The following DCP1B variants were observed in gnomAD, a reference collection of about 807,000 sequenced individuals.
DCP1B encodes the protein decapping mRNA 1B.
Under a neutral mutation model 60.5 loss-of-function variants are expected in DCP1B, and 47 were observed. The observed-to-expected ratio is 0.78, with a 90% CI of 0.61 to 0.99. The LOEUF is 0.99. Ranked by LOEUF, DCP1B falls within the 50% of genes least tolerant of loss-of-function variation. The probability of loss-of-function intolerance (pLI) is 0.00; values close to 1 mark genes in which losing one functional copy is unlikely to be tolerated. For synonymous variants in DCP1B, 267 were observed against 280.3 expected, an observed-to-expected ratio of 0.95 and a Z score of 0.47; for missense variants, 725 against 756.8, an observed-to-expected ratio of 0.96 and a Z score of 0.49.
At chr12:1,984,888 A>G (rs1209614546) in intron 3 of DCP1B, among the ~76,000 whole-genome samples, 1 of 149,900 alleles carries the variant, frequency 6.7e-6, no homozygotes, top group African/African-American at 2.5e-5. Flanking sequence ...ATAGAATTCT[A>G]GGTTAATAGC....
chr12:1,984,626 G>A (rs2037111263), intron 3 of DCP1B, among the ~76,000 whole-genome samples: 1 of 151,810 alleles, frequency 6.6e-6, no homozygotes, highest in Admixed American at 6.6e-5. Context: ...TAAAGAATTT[G>A]AGAGGAGAAA....
downstream of DCP1B, among the ~76,000 whole-genome samples, chr12:1,945,613 C>A (rs1296211797): frequency 6.6e-6 from 1 of 152,178 alleles, no homozygotes; most frequent in Non-Finnish European, 1.5e-5. Flanking sequence ...TTCACAATAG[C>A]AAAGACTTGG....
intron 3 of DCP1B, among the ~76,000 whole-genome samples, chr12:1,970,135 T>C (rs2031842948): frequency 6.6e-6 from 1 of 152,144 alleles, no homozygotes; most frequent in African/African-American, 2.4e-5. Flanking sequence ...AAACTGTTGA[T>C]ACAAATAGAA....
At chr12:1,989,770 G>A (rs2038878736) in intron 3 of DCP1B, among the ~76,000 whole-genome samples, 1 of 152,144 alleles carries the variant, frequency 6.6e-6, no homozygotes, top group Non-Finnish European at 1.5e-5. Flanking sequence ...TATAACTTAA[G>A]TATTATATTT....
rs547730366 is a variant in DCP1B, at chr12:1,971,835, T to A, written c.320-3925A>T. Among the ~76,000 whole-genome samples, 32 of 152,374 alleles carry A rather than the reference T, an allele frequency of 2.1e-4. No individual in the cohort carries two copies. The highest frequency in any genetic ancestry group is 7.7e-4 in the African/African-American group (32 of 41,596). The stretch of plus-strand genomic sequence containing the variant: ...CTGTTTGATCTGTTCTTTTAAGATA[T>A]TTATAATTTGTTTTATATTTTTACC... On this transcript the variant is annotated intron_variant, in intron 3 of 8. Transcript: ENST00000280665. This position sits in a 1 kb window ranked among gnomAD's most constrained non-coding sequence, Gnocchi z 4.2.
intron 5 of DCP1B, among the ~76,000 whole-genome samples, chr12:1,958,845 A>G (rs1468654867): frequency 2.8e-5 from 2 of 71,784 alleles, no homozygotes; most frequent in East Asian, 8.6e-4. Flanking sequence ...AAGCTCCCCA[A>G]CGTCGCTTTG....
intron 5 of DCP1B, among the ~76,000 whole-genome samples, chr12:1,959,421 G>A (rs532808411): frequency 6.6e-6 from 1 of 152,286 alleles, no homozygotes; most frequent in South Asian, 2.1e-4. Context: ...TCAAAATATA[G>A]ACAAAGGGCC....
At chr12:2,002,897 G>A (rs2154479628) in intron 1 of DCP1B, among the ~76,000 whole-genome samples, 1 of 152,012 alleles carries the variant, frequency 6.6e-6, no homozygotes, top group Admixed American at 6.5e-5. Context: ...GTGACACCTC[G>A]AAAAAACAAA....
chr12:1,952,347 T>TC, intron 7 of DCP1B, 69 bp downstream of exon 7: 1 of 1,481,764 alleles, frequency 6.7e-7, no homozygotes, highest in Non-Finnish European at 8.9e-7. Flanking sequence ...CTACTTTTTT[T>TC]TTTTTTTTAG....
chr12:1,980,042 C>T (rs2035645108), intron 3 of DCP1B, among the ~76,000 whole-genome samples: 1 of 152,144 alleles, frequency 6.6e-6, no homozygotes, highest in African/African-American at 2.4e-5. Flanking sequence ...CAAATAGGCA[C>T]ATAACTGTTC....
chr12:1,944,673 A>G (rs888798964), downstream of DCP1B, among the ~76,000 whole-genome samples: 2 of 152,252 alleles, frequency 1.3e-5, no homozygotes, highest in Non-Finnish European at 2.9e-5. Context: ...GACAAAAACA[A>G]GCAATGGGGA....
At chr12:1,990,987 A>AG (rs1037016016) in intron 3 of DCP1B, 12 of 336,108 alleles carry the variant, frequency 3.6e-5, no homozygotes, top group Non-Finnish European at 6.4e-5. Context: ...GAAAGGACAA[A>AG]AAAAAAAAAA....
rs977572534 is a variant in DCP1B at position 1,947,889 on chromosome 12, C to T, written c.1773+1197G>A. On this transcript the variant is annotated intron_variant, in intron 8 of 8. Coordinates refer to ENST00000280665, the MANE Select transcript of DCP1B (RefSeq NM_152640.5). ...TGTTGCTCAGGCTGGTCTTGAACTC[C>T]TGGCCTCAAGCAATGCTCCCACCTT... is the stretch of plus-strand genomic sequence containing the variant. Among the ~76,000 whole-genome samples the T allele has an allele frequency of 2.6e-5, 4 of 152,302 alleles. No homozygotes were observed. In the East Asian group the frequency reaches 7.7e-4, roughly 29 times the overall value.
At chr12:2,004,099 C>G in intron 1 of DCP1B, 183 bp downstream of exon 1, 2 of 805,818 alleles carry the variant, frequency 2.5e-6, no homozygotes, top group Non-Finnish European at 3.9e-6. Flanking sequence ...CTCCACAGAT[C>G]CGCCTTCCTT....
intron 5 of DCP1B, among the ~76,000 whole-genome samples, chr12:1,959,087 C>A (rs899027618): frequency 6.7e-6 from 1 of 149,208 alleles, no homozygotes; most frequent in Admixed American, 6.7e-5. Flanking sequence ...TGGAAGGAAA[C>A]AGGGGGAAAG....
rs542027941 is a variant in DCP1B at position 1,971,521 on chromosome 12, T to C, written c.320-3611A>G. Among the ~76,000 whole-genome samples the C allele has an allele frequency of 8.5e-5, 13 of 152,346 alleles. No individual in the cohort carries two copies. Among genetic ancestry groups the C allele is most frequent in the South Asian group, 2.1e-4 (1 of 4,834 alleles). Reference sequence around the variant, plus strand: ...AAGATCAAGGAGATCAAAATTTCCATATAGACTTCATGTCTGGATTTTTTA... The same window carrying C: ...AAGATCAAGGAGATCAAAATTTCCACATAGACTTCATGTCTGGATTTTTTA... On this transcript the variant is annotated intron_variant, in intron 3 of 8. Transcript: ENST00000280665. The surrounding 1 kb of genome is among the most constrained non-coding windows in gnomAD (Gnocchi z 4.2).
At chr12:1,950,796 G>A (rs908389065) in intron 7 of DCP1B, among the ~76,000 whole-genome samples, 1 of 152,082 alleles carries the variant, frequency 6.6e-6, no homozygotes, top group Admixed American at 6.5e-5. Flanking sequence ...ACAGTGGCAT[G>A]CCACCATACC....
intron 5 of DCP1B, among the ~76,000 whole-genome samples, chr12:1,957,537 A>G (rs2030928372): frequency 6.6e-6 from 1 of 152,348 alleles, no homozygotes; most frequent in South Asian, 2.1e-4. Flanking sequence ...TCCAGAAAAG[A>G]GCCAATAATT....
rs769127917 is a variant in DCP1B, at chr12:2,004,374, C to A, written c.58G>T (p.Ala20Ser). The change falls in exon 1 of 9, where the codon GCC becomes TCC. Residue 20 changes from alanine to serine, a missense_variant. By Grantham distance (99) the Ala-to-Ser change is moderately conservative (BLOSUM62 1). Coordinates refer to ENST00000280665, the MANE Select transcript of DCP1B (RefSeq NM_152640.5). ...ATATAGGGGTCGTGGCGCTGCAGGG[C>A]CGCTAGGCTGATGTCGCGCCCCTTT... ...VGKGRDISLA[A>S]LQRHDPYINR... 2 of 1,612,912 alleles carry A rather than the reference C, an allele frequency of 1.2e-6. No homozygotes were observed. Among genetic ancestry groups the A allele is most frequent in the Non-Finnish European group, 1.7e-6 (2 of 1,179,820 alleles).
Sources: allele counts gnomAD v4.1 joint callset (sites outside exome capture counted in the v4.1 genomes callset), GRCh38; gene constraint gnomAD v4.1.1; non-coding constraint Gnocchi (gnomAD v3.1); transcripts MANE v1.5; gene names NCBI Gene and HGNC (gene_info 2026-07-23, HGNC 2026-07-21).